GPM6B: variants seen among roughly 807,000 people sequenced by gnomAD.
GPM6B encodes glycoprotein M6B.
GPM6B carries 4 observed loss-of-function variants against 27.2 expected under a neutral mutation model. That is an observed-to-expected ratio of 0.15 (90% CI 0.07 to 0.34). GPM6B has a LOEUF of 0.34. Ranked by LOEUF, GPM6B falls within the 10% of genes least tolerant of loss-of-function variation. The pLI, the probability that GPM6B is intolerant of heterozygous loss-of-function variation, is 1.00. For missense variants in GPM6B, 183 were observed against 261.9 expected (o/e 0.70, Z 2.08); for synonymous variants, 124 against 103.1 (o/e 1.20, Z -1.23).
chrX:13,930,244 A>G (rs1921420423), intron 1 of GPM6B, among the ~76,000 whole-genome samples: 1 of 112,379 alleles, frequency 8.9e-6, no homozygotes, highest in Admixed American at 9.4e-5. Flanking sequence ...ACATGTAAGT[A>G]TCAAGCTATT....
At chrX:13,900,153 CTCTT>C (rs2050269628) in intron 1 of GPM6B, among the ~76,000 whole-genome samples, 2 of 111,686 alleles carry the variant, frequency 1.8e-5, no homozygotes, top group Non-Finnish European at 3.8e-5. Flanking sequence ...AAAATCATCA[CTCTT>C]TGCAAAATGC....
At chrX:13,922,789 T>C (rs995123153) in intron 1 of GPM6B, among the ~76,000 whole-genome samples, 3 of 112,453 alleles carry the variant, frequency 2.7e-5, no homozygotes, top group African/African-American at 9.7e-5. Context: ...GTTTCTACAT[T>C]GAGAGACCAC....
intron 1 of GPM6B, among the ~76,000 whole-genome samples, chrX:13,867,024 G>T (rs1246307284): frequency 8.9e-6 from 1 of 112,144 alleles, no homozygotes; most frequent in African/African-American, 3.2e-5. Context: ...TTACATGCAA[G>T]ATCAGCCTCT....
chrX:13,926,558 G>C (rs1921223223), intron 1 of GPM6B, among the ~76,000 whole-genome samples: 1 of 112,045 alleles, frequency 8.9e-6, no homozygotes, highest in African/African-American at 3.2e-5. Flanking sequence ...CAGTGTAATA[G>C]TAGCACAGAG....
intron 2 of GPM6B, among the ~76,000 whole-genome samples, chrX:13,787,320 C>T (rs1237131849): frequency 1.8e-5 from 2 of 111,732 alleles, no homozygotes; most frequent in Non-Finnish European, 1.9e-5. Context: ...AGACCAACTT[C>T]CCTGAAGTGG....
At chrX:13,785,876 A>G (rs1207722547) in intron 2 of GPM6B, 68 bp from the exon 3 acceptor site, 13 of 871,151 alleles carry the variant, frequency 1.5e-5, no homozygotes, top group East Asian at 1.3e-4. Context: ...AGAATACCCC[A>G]TATTCACAGA....
chrX:13,898,826 C>T (rs2050255701), intron 1 of GPM6B, among the ~76,000 whole-genome samples: 1 of 111,654 alleles, frequency 9.0e-6, no homozygotes, highest in Admixed American at 9.5e-5. Flanking sequence ...CTGGCTGTGT[C>T]ATCCTGTCGG....
chrX:13,930,285 A>C (rs745737605), intron 1 of GPM6B, among the ~76,000 whole-genome samples: 2 of 112,175 alleles, frequency 1.8e-5, no homozygotes, highest in Non-Finnish European at 1.9e-5. Flanking sequence ...TGATCAAGAA[A>C]AATAATGAGA....
intron 2 of GPM6B, among the ~76,000 whole-genome samples, chrX:13,792,708 C>T (rs1278417969): frequency 9.0e-6 from 1 of 111,134 alleles, no homozygotes; most frequent in African/African-American, 3.3e-5. Flanking sequence ...GACACCATCC[C>T]AGCCAACATG....
intron 1 of GPM6B, among the ~76,000 whole-genome samples, chrX:13,869,722 G>C (rs2147262202): frequency 8.9e-6 from 1 of 112,072 alleles, no homozygotes; most frequent in East Asian, 2.8e-4. Context: ...ACTTTCAGCA[G>C]TGTTGCAAAA....
intron 2 of GPM6B, among the ~76,000 whole-genome samples, chrX:13,794,937 G>T (rs1389935837): frequency 8.9e-6 from 1 of 111,784 alleles, no homozygotes; most frequent in Non-Finnish European, 1.9e-5. Context: ...TTGAAAGAAT[G>T]CCTGACAAGA....
At chrX:13,892,619 T>C (rs1173743834) in intron 1 of GPM6B, among the ~76,000 whole-genome samples, 1 of 112,002 alleles carries the variant, frequency 8.9e-6, no homozygotes, top group Non-Finnish European at 1.9e-5. Flanking sequence ...GGATTCAAAC[T>C]CCTGGGCTCA....
At chrX:13,885,701 AG>A in intron 1 of GPM6B, among the ~76,000 whole-genome samples, 1 of 110,879 alleles carries the variant, frequency 9.0e-6, no homozygotes, top group Middle Eastern at 4.6e-3. Context: ...CGCCCCACCA[AG>A]GGCCAGGCAT....
intron 1 of GPM6B, among the ~76,000 whole-genome samples, chrX:13,891,977 C>T (rs191233340): frequency 7.3e-4 from 82 of 111,760 alleles, no homozygotes; most frequent in African/African-American, 2.6e-3. Context: ...ACAATGCAGC[C>T]TTGTGAAAGT....
intron 4 of GPM6B, among the ~76,000 whole-genome samples, chrX:13,781,933 C>T (rs2048523232): frequency 1.8e-5 from 2 of 111,645 alleles, no homozygotes; most frequent in Admixed American, 1.9e-4. Flanking sequence ...GAGACAAAGG[C>T]CTTTGGTGAT....
intron 1 of GPM6B, among the ~76,000 whole-genome samples, chrX:13,871,120 A>AAACAAAAC (rs1473736776): frequency 8.2e-5 from 9 of 109,966 alleles, no homozygotes; most frequent in African/African-American, 2.4e-4. Context: ...AAAACAAAAA[A>AAACAAAAC]AAAAGAAGTT....
chrX:13,921,847 G>A (rs1248257735), intron 1 of GPM6B, among the ~76,000 whole-genome samples: 6 of 111,857 alleles, frequency 5.4e-5, no homozygotes, highest in Admixed American at 9.5e-5. Flanking sequence ...AAAGTGCTGG[G>A]ACTACAGGCG....
chrX:13,910,195 C>A (rs2050366495), intron 1 of GPM6B, among the ~76,000 whole-genome samples: 1 of 112,438 alleles, frequency 8.9e-6, no homozygotes, highest in Non-Finnish European at 1.9e-5. Flanking sequence ...CTTTCCATAT[C>A]ACTCAGTGCA....
intron 1 of GPM6B, among the ~76,000 whole-genome samples, chrX:13,833,872 G>T (rs1032012839): frequency 2.7e-5 from 3 of 112,670 alleles, no homozygotes; most frequent in Admixed American, 9.4e-5. Context: ...AGAGAGGAAG[G>T]TTTCTAGTGC....
Sources: gnomAD v4.1 joint callset for allele counts (sites outside exome capture counted in the v4.1 genomes callset) on GRCh38, gnomAD v4.1.1 for gene constraint, MANE v1.5 for transcripts, NCBI Gene and HGNC (gene_info 2026-07-23, HGNC 2026-07-21) for gene names.